Variants in ZCCHC14 observed in about 807,000 individuals in gnomAD.
ZCCHC14 encodes the protein zinc finger CCHC domain-containing protein 14.
Under a neutral mutation model 85.0 loss-of-function variants are expected in ZCCHC14, and 16 were observed. That is an observed-to-expected ratio of 0.19 (90% CI 0.13 to 0.29). The LOEUF (loss-of-function observed/expected upper bound fraction) is 0.29. Among genes scored for constraint, ZCCHC14 ranks in the 10% least tolerant of loss-of-function variants. The pLI is 1.00. For synonymous variants in ZCCHC14, 775 were observed against 630.7 expected, an observed-to-expected ratio of 1.23 and a Z score of -3.43; for missense variants, 1,303 against 1,443.5, an observed-to-expected ratio of 0.90 and a Z score of 1.58.
rs577051571 is a variant in ZCCHC14, at chr16:87,413,019, G to C, written c.1744+36C>G. ...AGTGGTCAGTGCCATTCCACAGCTGGGCCAGGTCGAGCCAGCGCCGCGCAC... is the reference window on the plus strand; with the variant it reads ...AGTGGTCAGTGCCATTCCACAGCTGCGCCAGGTCGAGCCAGCGCCGCGCAC... On this transcript the variant is annotated intron_variant, in intron 11 of 12. Coordinates refer to ENST00000671377, the MANE Select transcript of ZCCHC14 (RefSeq NM_015144.3). 1.6e-5 allele frequency: 26 copies of C among 1,614,060 alleles called. No individual in the cohort carries two copies. In the Middle Eastern group the frequency reaches 4.9e-4, roughly 31 times the overall value.
At chr16:87,410,413 C>A in intron 12 of ZCCHC14, 78 bp from the exon 13 acceptor site, 2 of 658,000 alleles carry the variant, frequency 3.0e-6, no homozygotes, top group Non-Finnish European at 5.6e-6. Flanking sequence ...CCAGTCATGT[C>A]CAGAGCCACT....
chr16:87,491,742 C>G lies in ZCCHC14; in HGVS notation c.497G>C (p.Gly166Ala). Residue 166 changes from glycine to alanine, a missense_variant, in exon 1 of 13, where the codon GGC (glycine) becomes GCC (alanine). Transcript: ENST00000671377. The surrounding 1 kb of genome is among the most constrained non-coding windows in gnomAD (Gnocchi z 5.9). ...ELTQIQSSLN[G>A]GGGHGGKGAP... ...GCCCTTGCCGCCGTGGCCCCCGCCG[C>G]CGTTCAGGCTGCTCTGGATCTGCGT... The G allele has an allele frequency of 6.3e-7, 1 of 1,577,814 alleles. No homozygotes were observed. Among genetic ancestry groups the G allele is most frequent in the Non-Finnish European group, 8.6e-7 (1 of 1,166,700 alleles).
chr16:87,419,585 G>A (rs1029153942), intron 6 of ZCCHC14, among the ~76,000 whole-genome samples, 198 bp downstream of exon 6: 6 of 152,220 alleles, frequency 3.9e-5, no homozygotes, highest in Non-Finnish European at 7.3e-5. Context: ...ATAGGCGTGA[G>A]CCACTGCGCC....
Position 87,406,930 on chromosome 16 carries a change from A to G in ZCCHC14, c.*3350T>C, listed in dbSNP as rs903845858. 1 of 152,138 alleles carries G rather than the reference A, an allele frequency of 6.6e-6. No homozygotes were observed. The highest frequency in any genetic ancestry group is 2.4e-5 in the African/African-American group (1 of 41,414). 9.4% of individuals were successfully genotyped at this position (152,138 alleles called of 1,614,324 possible). ...GGACTCTCCTCTGGGACAGCAGTCG[A>G]GTCAAGCAGGGAGACGGCTTTCCTC... On this transcript the variant is annotated 3_prime_UTR_variant, in exon 13 of 13. Coordinates refer to ENST00000671377, the MANE Select transcript of ZCCHC14 (RefSeq NM_015144.3).
chr16:87,412,498 C>T lies in ZCCHC14; in HGVS notation c.2223G>A (p.Arg741=), dbSNP rs769375740. Residue 741 remains arginine, a synonymous_variant, in exon 12 of 13, where the codon AGG becomes AGA. Transcript: ENST00000671377. The stretch of plus-strand genomic sequence containing the variant: ...CCGGTTGCTGTGCTGTCTTCAGCAC[C>T]CTGTCCAGCGTGGATGCATGCACGA... ...TKVVHASTLD[R]VLKTAQQPAL... is the part of the protein sequence containing the mutation. 14 of 1,613,856 alleles carry T rather than the reference C, an allele frequency of 8.7e-6. No individual in the cohort carries two copies. The Middle Eastern group carries it at 4.9e-4, about 57-fold the overall frequency.
chr16:87,476,413 C>G (rs2150772209), intron 1 of ZCCHC14, among the ~76,000 whole-genome samples: 1 of 152,126 alleles, frequency 6.6e-6, no homozygotes, highest in South Asian at 2.1e-4. Context: ...AACAACAATA[C>G]TATATATGTT....
intron 1 of ZCCHC14, among the ~76,000 whole-genome samples, chr16:87,461,776 GCA>G (rs1911271040): frequency 6.6e-6 from 1 of 152,228 alleles, no homozygotes; most frequent in Non-Finnish European, 1.5e-5. Flanking sequence ...TCCACAGACA[GCA>G]AGCCACAGGG....
chr16:87,427,008 G>A (rs1909405921), intron 3 of ZCCHC14, among the ~76,000 whole-genome samples: 1 of 152,240 alleles, frequency 6.6e-6, no homozygotes, highest in South Asian at 2.1e-4. Context: ...ACGGGACGCG[G>A]GCTCGCGTGC....
Position 87,417,667 on chromosome 16 carries a change from G to T in ZCCHC14, c.1176C>A (p.Ser392=), listed in dbSNP as rs56283442. The T allele has an allele frequency of 0.045, 72,240 of 1,611,850 alleles. 7,641 individuals carry two copies. The highest frequency in any genetic ancestry group is 0.43 in the African/African-American group (31,996 of 74,966). ...GGGAGCAGTGAGGCAAGGGGGCGGC[G>T]GAGCCGGCCGGGTGCTGCCCGTGGT... is the stretch of plus-strand genomic sequence containing the variant. ...AQHHGQHPAG[S]AAPLPHCSHA... Residue 392 remains serine (S), a synonymous_variant, in exon 8 of 13, where the codon TCC becomes TCA. Coordinates refer to ENST00000671377, the MANE Select transcript of ZCCHC14 (RefSeq NM_015144.3).
chr16:87,457,017 A>T (rs757775332), intron 2 of ZCCHC14, among the ~76,000 whole-genome samples: 4 of 152,226 alleles, frequency 2.6e-5, no homozygotes, highest in Admixed American at 6.5e-5. Context: ...ACACTACAAC[A>T]GCTTCCCTAA....
chr16:87,482,109 T>C (rs1912307911), intron 1 of ZCCHC14, among the ~76,000 whole-genome samples: 1 of 152,170 alleles, frequency 6.6e-6, no homozygotes, highest in Admixed American at 6.5e-5. Context: ...ACTGCCGCAC[T>C]GGGGATTAAG....
intron 1 of ZCCHC14, chr16:87,470,590 A>T (rs1004555681): frequency 6.6e-6 from 1 of 152,196 alleles, no homozygotes; most frequent in African/African-American, 2.4e-5. Context: ...GATACAGTCA[A>T]TCAGCGATGT....
At chr16:87,422,784 G>A (rs946009602) in intron 4 of ZCCHC14, among the ~76,000 whole-genome samples, 1 of 151,968 alleles carries the variant, frequency 6.6e-6, no homozygotes, top group Non-Finnish European at 1.5e-5. Flanking sequence ...CCCAATGAGA[G>A]GTCGAAGTTC....
rs112448716 is a variant in ZCCHC14, at chr16:87,429,498, A to C, written c.768+3630T>G. On this transcript the variant is annotated intron_variant, in intron 3 of 12. Coordinates refer to ENST00000671377, the MANE Select transcript of ZCCHC14 (RefSeq NM_015144.3). ...GGCAGAACTCTCAAAACTTAGTAAG[A>C]AGCAGCAACTTGTTGGGCATGGCGG... Among the ~76,000 whole-genome samples the C allele has an allele frequency of 9.2e-5, 14 of 152,114 alleles. 1 individual carries two copies. Among genetic ancestry groups the C allele is most frequent in the South Asian group, 4.1e-4 (2 of 4,822 alleles).
At chr16:87,446,343 G>C (rs1910436011) in intron 2 of ZCCHC14, among the ~76,000 whole-genome samples, 1 of 152,114 alleles carries the variant, frequency 6.6e-6, no homozygotes, top group African/African-American at 2.4e-5. Flanking sequence ...AATTAGCTGG[G>C]AGTGGTAGCA....
At chr16:87,435,468 T>C (rs1172906872) in intron 2 of ZCCHC14, among the ~76,000 whole-genome samples, 3 of 152,234 alleles carry the variant, frequency 2.0e-5, no homozygotes, top group African/African-American at 4.8e-5. Flanking sequence ...CACCCCGTGA[T>C]ACCATGGCTG....
chr16:87,415,912 TTTTG>T (rs1328655960), intron 8 of ZCCHC14, among the ~76,000 whole-genome samples: 4 of 152,138 alleles, frequency 2.6e-5, no homozygotes, highest in East Asian at 3.9e-4. Flanking sequence ...CTCGCTCTTA[TTTTG>T]TTTTTGTTTG....
At chr16:87,451,746 T>C (rs149767722) in intron 2 of ZCCHC14, among the ~76,000 whole-genome samples, 66 of 152,242 alleles carry the variant, frequency 4.3e-4, no homozygotes, top group Non-Finnish European at 7.5e-4. Flanking sequence ...GCTGTTGTCA[T>C]TGGAGCGGAA....
At chr16:87,463,001 G>C (rs917253062) in intron 1 of ZCCHC14, among the ~76,000 whole-genome samples, 1 of 152,192 alleles carries the variant, frequency 6.6e-6, no homozygotes, top group Non-Finnish European at 1.5e-5. Context: ...CCCGGAGTTG[G>C]AGGTTGTAGG....
Sources: gnomAD v4.1 joint callset for allele counts (sites outside exome capture counted in the v4.1 genomes callset) on GRCh38, gnomAD v4.1.1 for gene constraint, Gnocchi (gnomAD v3.1) non-coding constraint, MANE v1.5 for transcripts, NCBI Gene and HGNC (gene_info 2026-07-23, HGNC 2026-07-21) for gene names.